KCNIP4: variants seen among roughly 807,000 people sequenced by gnomAD.
KCNIP4 encodes the protein Kv channel-interacting protein 4.
In KCNIP4, 12 loss-of-function variants were observed where a neutral mutation model predicts 34.0. The observed-to-expected ratio is 0.35, with a 90% CI of 0.23 to 0.57. The LOEUF (loss-of-function observed/expected upper bound fraction) is 0.57, where lower values mean the gene tolerates loss of function less well. Ranked by LOEUF, KCNIP4 falls within the 20% of genes least tolerant of loss-of-function variation. The pLI is 0.83. For missense variants in KCNIP4, 238 were observed against 311.7 expected (o/e 0.76, Z 1.78); for synonymous variants, 124 against 102.2 (o/e 1.21, Z -1.29).
intron 1 of KCNIP4, among the ~76,000 whole-genome samples, chr4:21,242,434 G>C (rs1259328524): frequency 1.3e-5 from 2 of 152,128 alleles, no homozygotes; most frequent in Non-Finnish European, 2.9e-5. Context: ...ATGGTGGTTA[G>C]TTTTCTGTGT....
intron 1 of KCNIP4, among the ~76,000 whole-genome samples, chr4:21,686,464 C>A (rs1040219949): frequency 6.6e-6 from 1 of 152,078 alleles, no homozygotes; most frequent in Non-Finnish European, 1.5e-5. Flanking sequence ...AGAGATATAA[C>A]TATGTATTTT....
At chr4:20,983,996 G>GCAAC (rs1328444555) in intron 1 of KCNIP4, 12 of 1,519,932 alleles carry the variant, frequency 7.9e-6, no homozygotes, top group Non-Finnish European at 9.6e-6. Flanking sequence ...CAGAATCGTA[G>GCAAC]CAACGTCAGG....
At chr4:20,922,847 T>C (rs1338883309) in intron 1 of KCNIP4, among the ~76,000 whole-genome samples, 1 of 152,200 alleles carries the variant, frequency 6.6e-6, no homozygotes, top group Non-Finnish European at 1.5e-5. Context: ...AAATATTGTT[T>C]ATAGAATTTA....
intron 1 of KCNIP4, among the ~76,000 whole-genome samples, chr4:20,886,571 T>C (rs1167709737): frequency 1.3e-5 from 2 of 152,346 alleles, no homozygotes; most frequent in South Asian, 2.1e-4. Flanking sequence ...ACAAGCCACA[T>C]AGAGCTGGAA....
intron 1 of KCNIP4, among the ~76,000 whole-genome samples, chr4:21,910,134 G>A (rs894170936): frequency 2.6e-5 from 4 of 152,098 alleles, no homozygotes; most frequent in South Asian, 2.1e-4. Context: ...GAGGAACTAC[G>A]GTGTCTCTCT....
At chr4:21,495,063 A>C (rs1732746283) in intron 1 of KCNIP4, among the ~76,000 whole-genome samples, 1 of 152,174 alleles carries the variant, frequency 6.6e-6, no homozygotes, top group Admixed American at 6.5e-5. Flanking sequence ...TATTTTTAAA[A>C]GCATCATGTG....
intron 1 of KCNIP4, among the ~76,000 whole-genome samples, chr4:21,158,476 G>C (rs1753324346): frequency 6.6e-6 from 1 of 152,082 alleles, no homozygotes; most frequent in Non-Finnish European, 1.5e-5. Context: ...GCTTATCTCA[G>C]GAATGCAGTT....
intron 1 of KCNIP4, among the ~76,000 whole-genome samples, chr4:21,213,384 C>A (rs969191250): frequency 6.6e-6 from 1 of 152,078 alleles, no homozygotes; most frequent in Non-Finnish European, 1.5e-5. Context: ...TCACTGCAAC[C>A]TCTGCCTGCC....
rs140840090 is a variant in KCNIP4, at chr4:21,389,325, T to C, written c.62-506616A>G. Among the ~76,000 whole-genome samples the C allele has an allele frequency of 4.3e-3, 648 of 152,162 alleles. 6 individuals carry two copies. The highest frequency in any genetic ancestry group is 0.015 in the African/African-American group (629 of 41,498). ...CTCTATTTTTTTTTAAATTATACTT[T>C]AAGTTCTAGGGTACATGTGCACAAT... is the stretch of plus-strand genomic sequence containing the variant. On this transcript the variant is annotated intron_variant, in intron 1 of 8. Coordinates refer to ENST00000382152, the MANE Select transcript of KCNIP4 (RefSeq NM_025221.6).
chr4:20,854,322 G>C (rs547248718), intron 2 of KCNIP4, among the ~76,000 whole-genome samples: 63 of 152,234 alleles, frequency 4.1e-4, no homozygotes, highest in African/African-American at 1.4e-3. Flanking sequence ...AAAAAGGAAA[G>C]AATTAATGGC....
At chr4:21,403,986 C>A (rs1191546324) in intron 1 of KCNIP4, among the ~76,000 whole-genome samples, 2 of 152,188 alleles carry the variant, frequency 1.3e-5, no homozygotes, top group Non-Finnish European at 2.9e-5. Flanking sequence ...GATTAGGTTC[C>A]AACCTTAGAA....
At chr4:20,847,541 G>A (rs1201631315) in intron 3 of KCNIP4, among the ~76,000 whole-genome samples, 2 of 126,602 alleles carry the variant, frequency 1.6e-5, no homozygotes, top group South Asian at 2.5e-4. Context: ...TCTATCAGCT[G>A]CTCACTTTTG....
chr4:21,726,477 G>A (rs1020447567), intron 1 of KCNIP4, among the ~76,000 whole-genome samples: 4 of 152,134 alleles, frequency 2.6e-5, no homozygotes, highest in Non-Finnish European at 2.9e-5. Flanking sequence ...ATGACCTAGA[G>A]CACAAGTTAG....
chr4:20,801,453 G>C lies in KCNIP4; in HGVS notation c.289-42563C>G, dbSNP rs28863800. ...CATCTGCTTAGTATGAAGATTAAAAGTCAAAATGGTCAAAATAACTACAGC... is the reference window on the plus strand; with the variant it reads ...CATCTGCTTAGTATGAAGATTAAAACTCAAAATGGTCAAAATAACTACAGC... On this transcript the variant is annotated intron_variant, in intron 3 of 8. Coordinates refer to ENST00000382152, the MANE Select transcript of KCNIP4 (RefSeq NM_025221.6). Among the ~76,000 whole-genome samples the C allele has an allele frequency of 8.7e-3, 1,320 of 152,176 alleles. 16 individuals are homozygous for C. The highest frequency in any genetic ancestry group is 0.03 in the African/African-American group (1,248 of 41,536).
chr4:21,373,768 T>C (rs1578142543), intron 1 of KCNIP4, among the ~76,000 whole-genome samples: 2 of 147,276 alleles, frequency 1.4e-5, no homozygotes, highest in South Asian at 4.2e-4. Context: ...TGCAATGGCA[T>C]GATTTCTGTT....
At chr4:21,290,496 T>G in intron 1 of KCNIP4, among the ~76,000 whole-genome samples, 1 of 152,212 alleles carries the variant, frequency 6.6e-6, no homozygotes, top group East Asian at 1.9e-4. Context: ...CTCCCGTGTG[T>G]ATACTTTTTT....
intron 1 of KCNIP4, among the ~76,000 whole-genome samples, chr4:21,281,102 T>A (rs1051904214): frequency 3.3e-5 from 5 of 151,160 alleles, no homozygotes; most frequent in Non-Finnish European, 5.9e-5. Context: ...TTTTTTTTTT[T>A]TTGAGATGGA....
At chr4:21,294,744 T>C (rs954371293) in intron 1 of KCNIP4, among the ~76,000 whole-genome samples, 1 of 152,190 alleles carries the variant, frequency 6.6e-6, no homozygotes, top group Non-Finnish European at 1.5e-5. Flanking sequence ...AATTTACTCA[T>C]AAAATGAGGA....
intron 1 of KCNIP4, among the ~76,000 whole-genome samples, chr4:20,964,076 T>C (rs1341929377): frequency 6.6e-6 from 1 of 152,208 alleles, no homozygotes; most frequent in Non-Finnish European, 1.5e-5. Context: ...AATTGCCATT[T>C]ATGGGCTTTA....
Sources: gnomAD v4.1 joint callset for allele counts (sites outside exome capture counted in the v4.1 genomes callset) on GRCh38, gnomAD v4.1.1 for gene constraint, MANE v1.5 for transcripts, NCBI Gene and HGNC (gene_info 2026-07-23, HGNC 2026-07-21) for gene names.